HERC1: variants seen among roughly 807,000 people sequenced by gnomAD.
HERC1 encodes HECT and RLD domain containing E3 ubiquitin protein ligase family member 1, also known as probable E3 ubiquitin-protein ligase HERC1.
A neutral mutation model predicts 554.3 loss-of-function variants in HERC1; 160 were observed. That is an observed-to-expected ratio of 0.29 (90% CI 0.25 to 0.33). HERC1 has a LOEUF of 0.33. Ranked by LOEUF, HERC1 falls within the 10% of genes least tolerant of loss-of-function variation. The probability of loss-of-function intolerance (pLI) is 1.00; values close to 1 mark genes in which losing one functional copy is unlikely to be tolerated. For missense variants in HERC1, 4,919 were observed against 5,918.5 expected (o/e 0.83, Z 5.54); for synonymous variants, 2,175 against 2,131.7 (o/e 1.02, Z -0.56).
chr15:63,725,407 C>T lies in HERC1; in HGVS notation c.3453G>A (p.Arg1151=), dbSNP rs2073999407. 2 of 1,613,858 alleles carry T rather than the reference C, an allele frequency of 1.2e-6. No individual in the cohort carries two copies. Among genetic ancestry groups the T allele is most frequent in the Non-Finnish European group, 1.7e-6 (2 of 1,179,884 alleles). The change falls in exon 18 of 78, where the codon CGG becomes CGA. Residue 1151 remains arginine, a synonymous_variant. Coordinates refer to ENST00000443617, the MANE Select transcript of HERC1 (RefSeq NM_003922.4). ...LERTIALLIG[R]CLGGMLQGSP... ...AGCCCTGAAGCATGCCACCAAGACA[C>T]CGCCCAATAAGGAGAGCAATTGTTC...
rs758223538 is a variant in HERC1, at chr15:63,729,602, A to C, written c.2916T>G (p.Leu972=). Residue 972 remains leucine, a synonymous_variant, in exon 15 of 78, where the codon CTT becomes CTG. Coordinates refer to ENST00000443617, the MANE Select transcript of HERC1 (RefSeq NM_003922.4). ...GACTGTTTTCTGATGATGATGTTCC[A>C]AGTAGAAATTTATCACTATTCTTTT... ...ELEKNSDKFL[L]GTSSSENSQP... is the part of the protein sequence containing the mutation. The C allele has an allele frequency of 5.6e-6, 9 of 1,613,668 alleles. No homozygotes were observed. The South Asian group carries it at 9.9e-5, about 18-fold the overall frequency.
intron 1 of HERC1, among the ~76,000 whole-genome samples, chr15:63,798,147 A>T (rs1270431585): frequency 1.3e-5 from 2 of 152,166 alleles, no homozygotes; most frequent in East Asian, 3.8e-4. Context: ...TCAACCCCAG[A>T]ATCAGTGCTT....
At chr15:63,701,927 G>C (rs2072742409) in intron 25 of HERC1, among the ~76,000 whole-genome samples, 1 of 151,936 alleles carries the variant, frequency 6.6e-6, no homozygotes, top group African/African-American at 2.4e-5. Flanking sequence ...TAACAATTGA[G>C]ACTAAGCCCA....
chr15:63,813,566 C>T (rs981129976), intron 1 of HERC1, among the ~76,000 whole-genome samples: 1 of 152,070 alleles, frequency 6.6e-6, no homozygotes, highest in Non-Finnish European at 1.5e-5. Context: ...CTCATTGTCT[C>T]CTTAAATTAA....
chr15:63,676,623 G>A (rs2071224105), intron 37 of HERC1, among the ~76,000 whole-genome samples: 1 of 152,114 alleles, frequency 6.6e-6, no homozygotes, highest in Non-Finnish European at 1.5e-5. Flanking sequence ...GGGCATGATG[G>A]TGGGTGCCTG....
rs539400872 is a variant in HERC1, at chr15:63,796,557, C to T, written c.-26-20908G>A. On this transcript the variant is annotated intron_variant, in intron 1 of 77. Coordinates refer to ENST00000443617, the MANE Select transcript of HERC1 (RefSeq NM_003922.4). ...AATCAATTTAGAAAGTTTATTTTGC[C>T]AAGGTTAAGGACATGCCTGTGATAC... 2.6e-5 allele frequency among the ~76,000 whole-genome samples: 4 copies of T among 152,182 alleles called. No homozygotes were observed. The East Asian group carries it at 7.7e-4, about 29-fold the overall frequency.
intron 12 of HERC1, among the ~76,000 whole-genome samples, chr15:63,746,614 T>C (rs1218460646): frequency 1.3e-5 from 2 of 152,144 alleles, no homozygotes; most frequent in Non-Finnish European, 1.5e-5. Context: ...CAGGAACTCA[T>C]CTTCTGGTGA....
chr15:63,797,673 C>G (rs530317187), intron 1 of HERC1, among the ~76,000 whole-genome samples: 2 of 152,324 alleles, frequency 1.3e-5, no homozygotes, highest in African/African-American at 4.8e-5. Flanking sequence ...GCATGGCCAG[C>G]CTCCTGTCAA....
At chr15:63,634,640 T>TCATGTATCA in intron 66 of HERC1, 93 bp downstream of exon 66, 1 of 987,716 alleles carries the variant, frequency 1.0e-6, no homozygotes, top group Non-Finnish European at 1.5e-6. Context: ...TAGGTACAAC[T>TCATGTATCA]GGTGATCCTG....
intron 65 of HERC1, among the ~76,000 whole-genome samples, chr15:63,635,413 C>G (rs1422834589): frequency 6.6e-6 from 1 of 152,114 alleles, no homozygotes; most frequent in Non-Finnish European, 1.5e-5. Flanking sequence ...TCTCAACAGC[C>G]TCAGGAAGCC....
intron 34 of HERC1, among the ~76,000 whole-genome samples, chr15:63,683,355 C>T (rs60954093): frequency 7.6e-4 from 115 of 151,928 alleles, no homozygotes; most frequent in Middle Eastern, 3.4e-3. Context: ...TGGGTTTTTG[C>T]TATGATTTTT....
chr15:63,693,889 C>T, intron 30 of HERC1, 75 bp downstream of exon 30: 1 of 1,412,854 alleles, frequency 7.1e-7, no homozygotes, highest in Non-Finnish European at 9.5e-7. Flanking sequence ...AGGAACTCTA[C>T]ATCCTAATCA....
intron 38 of HERC1, 102 bp downstream of exon 38, chr15:63,674,237 ATTT>A: frequency 1.2e-5 from 8 of 695,334 alleles, no homozygotes; most frequent in South Asian, 3.9e-5. Context: ...CAAAAAAAAA[ATTT>A]TTTTTTTTTT....
rs74019022 is a variant in HERC1, at chr15:63,801,285, T to C, written c.-26-25636A>G. Among the ~76,000 whole-genome samples, 1,147 of 152,296 alleles carry C rather than the reference T, an allele frequency of 7.5e-3. 8 individuals carry two copies. The highest frequency in any genetic ancestry group is 0.027 in the African/African-American group (1,113 of 41,554). On this transcript the variant is annotated intron_variant, in intron 1 of 77. Coordinates refer to ENST00000443617, the MANE Select transcript of HERC1 (RefSeq NM_003922.4). ...GTAGTTGTAGGAACTCCCCCGTTTG[T>C]AGGCAATTCAGAAGTGTGGGACTCA...
At chr15:63,641,053 C>T (rs2069031881) in intron 60 of HERC1, among the ~76,000 whole-genome samples, 1 of 152,090 alleles carries the variant, frequency 6.6e-6, no homozygotes, top group Non-Finnish European at 1.5e-5. Flanking sequence ...AAATTTTCCA[C>T]AAAGATTTAT....
At chr15:63,802,756 G>A (rs548646196) in intron 1 of HERC1, among the ~76,000 whole-genome samples, 24 of 152,256 alleles carry the variant, frequency 1.6e-4, no homozygotes, top group African/African-American at 5.5e-4. Flanking sequence ...TGAAATAAAC[G>A]AGTTACTGCA....
chr15:63,723,827 G>C (rs2073925385), intron 18 of HERC1, among the ~76,000 whole-genome samples: 1 of 152,070 alleles, frequency 6.6e-6, no homozygotes. Flanking sequence ...CCATGTAAAA[G>C]ATACCATGAA....
chr15:63,638,858 A>C (rs2068903072), intron 61 of HERC1, 82 bp from the exon 62 acceptor site: 1 of 908,494 alleles, frequency 1.1e-6, no homozygotes, highest in Middle Eastern at 2.2e-4. Context: ...TCTTCTAATC[A>C]TTAAGTCTTA....
chr15:63,661,721 G>A, intron 45 of HERC1, 32 bp downstream of exon 45: 1 of 1,604,892 alleles, frequency 6.2e-7, no homozygotes, highest in Non-Finnish European at 8.5e-7. Flanking sequence ...GTATCTTCAG[G>A]AGGTCTGGAT....
Sources: gnomAD v4.1 joint callset for allele counts (sites outside exome capture counted in the v4.1 genomes callset) on GRCh38, gnomAD v4.1.1 for gene constraint, MANE v1.5 for transcripts, NCBI Gene and HGNC (gene_info 2026-07-23, HGNC 2026-07-21) for gene names.